The following TESK2 variants were observed in gnomAD, a reference collection of about 807,000 sequenced individuals.
The protein encoded by TESK2 is dual specificity testis-specific protein kinase 2.
TESK2 carries 39 observed loss-of-function variants against 57.1 expected under a neutral mutation model. The observed-to-expected ratio is 0.68, with a 90% CI of 0.53 to 0.89. TESK2 has a LOEUF of 0.89. Ranked by LOEUF, TESK2 falls within the 40% of genes least tolerant of loss-of-function variation. The probability of loss-of-function intolerance (pLI) is 0.00; values close to 1 mark genes in which losing one functional copy is unlikely to be tolerated. For missense variants in TESK2, 646 were observed against 732.1 expected (o/e 0.88, Z 1.36); for synonymous variants, 249 against 267.9 (o/e 0.93, Z 0.69).
At chr1:45,472,095 C>T (rs1652789009) in intron 1 of TESK2, among the ~76,000 whole-genome samples, 1 of 151,044 alleles carries the variant, frequency 6.6e-6, no homozygotes, top group Non-Finnish European at 1.5e-5. Flanking sequence ...ACTAAAAATA[C>T]AAAAAAATTA....
At chr1:45,439,276 A>G (rs1214984144) in intron 2 of TESK2, among the ~76,000 whole-genome samples, 1 of 152,150 alleles carries the variant, frequency 6.6e-6, no homozygotes, top group Non-Finnish European at 1.5e-5. Flanking sequence ...CGAATGAATC[A>G]ATTTTTCAGT....
At chr1:45,353,668 C>T (rs1370800050) in intron 5 of TESK2, among the ~76,000 whole-genome samples, 1 of 152,198 alleles carries the variant, frequency 6.6e-6, no homozygotes, top group East Asian at 1.9e-4. Context: ...AACTCTTATA[C>T]ACCTCCCTAG....
chr1:45,415,425 C>A, intron 3 of TESK2: 3 of 687,942 alleles, frequency 4.4e-6, no homozygotes, highest in South Asian at 3.3e-5. Context: ...CCCATTTGCT[C>A]GCAATATCCC....
intron 1 of TESK2, among the ~76,000 whole-genome samples, chr1:45,477,732 C>T (rs948160899): frequency 4.6e-5 from 7 of 152,090 alleles, no homozygotes; most frequent in African/African-American, 1.7e-4. Context: ...TCAATGATAT[C>T]TGTTGCTTAT....
intron 3 of TESK2, among the ~76,000 whole-genome samples, chr1:45,394,566 C>G (rs1649277531): frequency 6.6e-6 from 1 of 151,674 alleles, no homozygotes; most frequent in African/African-American, 2.4e-5. Context: ...TTTCTAAACT[C>G]CCAGGTGATG....
chr1:45,405,164 A>T (rs574455952), intron 3 of TESK2, among the ~76,000 whole-genome samples: 2 of 152,176 alleles, frequency 1.3e-5, no homozygotes, highest in South Asian at 4.2e-4. Flanking sequence ...ATATTTCACA[A>T]TTTGCTCAAG....
intron 4 of TESK2, among the ~76,000 whole-genome samples, chr1:45,382,476 C>T (rs1648701640): frequency 6.6e-6 from 1 of 152,124 alleles, no homozygotes; most frequent in African/African-American, 2.4e-5. Flanking sequence ...TGAGCTCAAG[C>T]AATCTGCCCA....
intron 4 of TESK2, among the ~76,000 whole-genome samples, chr1:45,364,941 T>C (rs1398124960): frequency 1.3e-5 from 2 of 152,168 alleles, no homozygotes; most frequent in Non-Finnish European, 2.9e-5. Context: ...GCCAAATTAG[T>C]GGCTTGTTGG....
At chr1:45,481,268 G>T (rs1048656148) in intron 1 of TESK2, among the ~76,000 whole-genome samples, 2 of 152,098 alleles carry the variant, frequency 1.3e-5, no homozygotes, top group African/African-American at 4.8e-5. Context: ...GGGAGGCTGA[G>T]GCAGGAGAAT....
At chr1:45,487,353 G>T (rs1162283754) in intron 1 of TESK2, among the ~76,000 whole-genome samples, 1 of 152,054 alleles carries the variant, frequency 6.6e-6, no homozygotes, top group Non-Finnish European at 1.5e-5. Context: ...ATCCAACTCT[G>T]GGTCCCTCCT....
chr1:45,408,276 T>C (rs907230021), intron 3 of TESK2, among the ~76,000 whole-genome samples: 5 of 152,200 alleles, frequency 3.3e-5, no homozygotes, highest in Non-Finnish European at 5.9e-5. Context: ...GGATTCTAAG[T>C]AGGAAATCAT....
chr1:45,489,802 C>A (rs897307870), intron 1 of TESK2, among the ~76,000 whole-genome samples: 4 of 152,118 alleles, frequency 2.6e-5, no homozygotes, highest in Non-Finnish European at 4.4e-5. Context: ...AAAACAAAAA[C>A]TAACAAACAA....
In TESK2 at chr1:45,421,816, C is replaced by T. The variant is rs747479634; in HGVS notation, c.253G>A (p.Ala85Thr). The T allele has an allele frequency of 1.9e-6, 3 of 1,613,992 alleles. No homozygotes were observed. The South Asian group carries it at 3.3e-5, about 18-fold the overall frequency. Residue 85 changes from alanine to threonine, a missense_variant, in exon 3 of 11, where the codon GCT becomes ACT. Ala to Thr is a moderately conservative substitution (Grantham distance 58). Coordinates refer to ENST00000372086, the MANE Select transcript of TESK2 (RefSeq NM_007170.3). ...CTGCTCAATGTGTTCATCTTAAGAG[C>T]CATCACCTGACCAGAAGCTCGGTGT... ...VRHRASGQVM[A>T]LKMNTLSSNR...
At position 45,387,755 on chromosome 1, in the gene TESK2, C is replaced by T. The variant is rs114370340; in HGVS notation, c.345-1795G>A. Among the ~76,000 whole-genome samples, 446 of 152,202 alleles carry T rather than the reference C, an allele frequency of 2.9e-3. 3 individuals carry two copies. The highest frequency in any genetic ancestry group is 0.01 in the African/African-American group (424 of 41,518). On this transcript the variant is annotated intron_variant, in intron 3 of 10. Transcript: ENST00000372086. Reference sequence around the variant, plus strand: ...ACATTTCAACTAATGTGGAAATATCCCAGCATTTTGGGAGGCCAAGGCGGG... The same window carrying T: ...ACATTTCAACTAATGTGGAAATATCTCAGCATTTTGGGAGGCCAAGGCGGG...
At position 45,384,593 on chromosome 1, in the gene TESK2, A is replaced by ATTTTTTTTTTTTTTTT. The variant is rs59988269; in HGVS notation, c.393+1303_393+1318dup. 1.6e-4 allele frequency among the ~76,000 whole-genome samples: 11 copies of ATTTTTTTTTTTTTTTT among 70,886 alleles called. 1 individual carries two copies. Among genetic ancestry groups the ATTTTTTTTTTTTTTTT allele is most frequent in the Non-Finnish European group, 2.7e-4 (10 of 37,058 alleles). The allele number at this position is 70,886 out of a possible 152,430, so 46.5% of individuals were successfully genotyped here. A position where few individuals can be genotyped will look rare whatever the true frequency, so the allele number is the denominator to read the frequency against. ...TGCCATCACATCCAGCTAATTATTA[A>ATTTTTTTTTTTTTTTT]TTTTTTTTTTTTTTTTTTTTTTTTT... is the stretch of plus-strand genomic sequence containing the variant. On this transcript the variant is annotated intron_variant, in intron 4 of 10. Transcript: ENST00000372086.
At chr1:45,488,574 C>G (rs998353204) in intron 1 of TESK2, among the ~76,000 whole-genome samples, 6 of 152,190 alleles carry the variant, frequency 3.9e-5, no homozygotes, top group African/African-American at 1.4e-4. Context: ...CTAGACATAC[C>G]TGCTCAAATC....
At chr1:45,461,908 T>C (rs1366189823) in intron 1 of TESK2, among the ~76,000 whole-genome samples, 2 of 152,180 alleles carry the variant, frequency 1.3e-5, no homozygotes, top group Non-Finnish European at 2.9e-5. Flanking sequence ...ACCTCAAGCA[T>C]TCATCATTTC....
chr1:45,447,445 C>T (rs1651687219), intron 2 of TESK2, among the ~76,000 whole-genome samples: 1 of 151,886 alleles, frequency 6.6e-6, no homozygotes, highest in South Asian at 2.1e-4. Flanking sequence ...TCACTGTCAC[C>T]CATCTCCACA....
At chr1:45,368,811 C>T (rs1440956718) in intron 4 of TESK2, among the ~76,000 whole-genome samples, 1 of 151,814 alleles carries the variant, frequency 6.6e-6, no homozygotes, top group East Asian at 1.9e-4. Flanking sequence ...TGCAATGGCG[C>T]CATCTTGGCT....
Sources: gnomAD v4.1 joint callset for allele counts (sites outside exome capture counted in the v4.1 genomes callset) on GRCh38, gnomAD v4.1.1 for gene constraint, MANE v1.5 for transcripts, NCBI Gene and HGNC (gene_info 2026-07-23, HGNC 2026-07-21) for gene names.